MAP3K13: variants seen among roughly 807,000 people sequenced by gnomAD.
The protein encoded by MAP3K13 is leucine zipper-bearing kinase.
MAP3K13 carries 52 observed loss-of-function variants against 104.0 expected under a neutral mutation model. The ratio of observed to expected loss-of-function variants is 0.50; its 90% CI spans 0.40 to 0.63. The LOEUF is 0.63. Ranked by LOEUF, MAP3K13 falls within the 20% of genes least tolerant of loss-of-function variation. The probability of loss-of-function intolerance (pLI) is 0.00; values close to 1 mark genes in which losing one functional copy is unlikely to be tolerated. For missense variants in MAP3K13, 914 were observed against 1,218.5 expected, an observed-to-expected ratio of 0.75 and a Z score of 3.72; for synonymous variants, 394 against 442.2, an observed-to-expected ratio of 0.89 and a Z score of 1.37.
intron 1 of MAP3K13, among the ~76,000 whole-genome samples, chr3:185,374,287 T>C (rs894786483): frequency 6.6e-6 from 1 of 151,862 alleles, no homozygotes. Context: ...AGTGGTAAAG[T>C]GTTGGGGTGG....
chr3:185,311,851 T>C (rs1721505879), intron 2 of MAP3K13, among the ~76,000 whole-genome samples: 1 of 152,224 alleles, frequency 6.6e-6, no homozygotes, highest in Non-Finnish European at 1.5e-5. Context: ...GGAAACAGCC[T>C]ACACAGTCAT....
rs1005662117 is a variant in MAP3K13, at chr3:185,483,553, C to A, written c.*1097C>A. 3 of 225,282 alleles carry A rather than the reference C, an allele frequency of 1.3e-5. No homozygotes were observed. Among genetic ancestry groups the A allele is most frequent in the African/African-American group, 4.5e-5 (2 of 44,874 alleles). 14.0% of individuals were successfully genotyped at this position (225,282 alleles called of 1,614,324 possible). A position where few individuals can be genotyped will look rare whatever the true frequency, so the allele number is the denominator to read the frequency against. Reference sequence around the variant, plus strand: ...CAGCTACGAGGAGAAGATGGAACCACCCCTCTCTGGAGCCAGGTTGCTTGT... The same window carrying A: ...CAGCTACGAGGAGAAGATGGAACCAACCCTCTCTGGAGCCAGGTTGCTTGT... On this transcript the variant is annotated 3_prime_UTR_variant, in exon 14 of 14. Transcript: ENST00000265026.
chr3:185,411,861 T>A (rs1407229926), intron 1 of MAP3K13, among the ~76,000 whole-genome samples: 5 of 149,580 alleles, frequency 3.3e-5, no homozygotes, highest in Non-Finnish European at 7.4e-5. Flanking sequence ...CTCAGCTCAC[T>A]GCAGCTTCCA....
chr3:185,364,720 T>C (rs889696073), intron 1 of MAP3K13, among the ~76,000 whole-genome samples: 2 of 152,208 alleles, frequency 1.3e-5, no homozygotes, highest in African/African-American at 4.8e-5. Context: ...CTGAGTACAT[T>C]TGAACTTGCT....
chr3:185,333,488 C>A (rs564205582), intron 2 of MAP3K13, among the ~76,000 whole-genome samples: 3 of 152,158 alleles, frequency 2.0e-5, no homozygotes, highest in African/African-American at 7.2e-5. Flanking sequence ...AAACCTTATA[C>A]AATCTATAAA....
chr3:185,382,329 T>C (rs1002378208), intron 1 of MAP3K13, among the ~76,000 whole-genome samples: 3 of 152,224 alleles, frequency 2.0e-5, no homozygotes, highest in Non-Finnish European at 2.9e-5. Context: ...CTCATCAAAA[T>C]ATCTTACTCA....
At chr3:185,291,622 C>G (rs1162103165) in intron 2 of MAP3K13, 2 of 1,524,750 alleles carry the variant, frequency 1.3e-6, no homozygotes, top group Non-Finnish European at 1.7e-6. Flanking sequence ...GCATCAAGTA[C>G]CACGTTTTTG....
chr3:185,459,998 G>C (rs190795146), intron 7 of MAP3K13, among the ~76,000 whole-genome samples: 4 of 152,270 alleles, frequency 2.6e-5, no homozygotes, highest in East Asian at 3.9e-4. Flanking sequence ...CTTGTTTCAC[G>C]TGGTGTGTTT....
rs1553798321 is a variant in MAP3K13 at position 185,395,357 on chromosome 3, C to CTTTCTT, written c.-86+31992_-86+31993insCTTTTT. ...AGGCATTTCTAATTCAATATTATTT[C>CTTTCTT]TTTTTTTTTTTTTTTTTTTGAGACG... On this transcript the variant is annotated intron_variant, in intron 1 of 13. Coordinates refer to ENST00000265026, the MANE Select transcript of MAP3K13 (RefSeq NM_004721.5). Among the ~76,000 whole-genome samples the CTTTCTT allele has an allele frequency of 7.1e-5, 5 of 69,978 alleles. 1 individual carries two copies. The highest frequency in any genetic ancestry group is 1.1e-3 in the East Asian group (2 of 1,874). 45.9% of individuals were successfully genotyped at this position (69,978 alleles called of 152,430 possible).
intron 12 of MAP3K13, among the ~76,000 whole-genome samples, chr3:185,479,691 T>G (rs1057430995): frequency 6.6e-6 from 1 of 152,210 alleles, no homozygotes; most frequent in African/African-American, 2.4e-5. Flanking sequence ...TGGGCTGCCA[T>G]AACAAAATAC....
At chr3:185,353,637 A>C (rs1477228761) in intron 2 of MAP3K13, among the ~76,000 whole-genome samples, 4 of 152,218 alleles carry the variant, frequency 2.6e-5, no homozygotes, top group Non-Finnish European at 5.9e-5. Flanking sequence ...TGGTCATATA[A>C]GGCTCATTTT....
intron 1 of MAP3K13, among the ~76,000 whole-genome samples, chr3:185,370,281 G>A (rs553209146): frequency 2.6e-5 from 4 of 152,190 alleles, no homozygotes; most frequent in South Asian, 2.1e-4. Flanking sequence ...TGCAACCTCC[G>A]TCTCCTGGGT....
chr3:185,483,591 T>C lies in MAP3K13; in HGVS notation c.*1135T>C. ...CCAGGTTGCTTGTCTACTTGAGTCA[T>C]ATTGATTCAAGCAGGAGAACAGACT... On this transcript the variant is annotated 3_prime_UTR_variant, in exon 14 of 14. Transcript: ENST00000265026. 4.5e-6 allele frequency: 1 copy of C among 221,594 alleles called. No individual in the cohort carries two copies. The highest frequency in any genetic ancestry group is 9.0e-6 in the Non-Finnish European group (1 of 110,762). 13.7% of individuals were successfully genotyped at this position (221,594 alleles called of 1,614,324 possible).
At chr3:185,300,110 T>C (rs1173652134) in intron 2 of MAP3K13, among the ~76,000 whole-genome samples, 1 of 152,242 alleles carries the variant, frequency 6.6e-6, no homozygotes, top group African/African-American at 2.4e-5. Context: ...TTTTTCTTTT[T>C]GTGGCTGGTT....
chr3:185,442,049 A>T (rs1038252368), intron 3 of MAP3K13, among the ~76,000 whole-genome samples: 2 of 151,646 alleles, frequency 1.3e-5, no homozygotes, highest in African/African-American at 4.8e-5. Flanking sequence ...AAAAAAAAAA[A>T]AAAAAAATTA....
chr3:185,456,764 G>A (rs1716778276), intron 7 of MAP3K13, among the ~76,000 whole-genome samples: 1 of 151,962 alleles, frequency 6.6e-6, no homozygotes. Flanking sequence ...ACCACACTCG[G>A]TTAATTTTTG....
In MAP3K13 at chr3:185,304,315, C is replaced by T. The variant is rs1000289616; in HGVS notation, c.-86+18672C>T. Among the ~76,000 whole-genome samples, 6 of 152,198 alleles carry T rather than the reference C, an allele frequency of 3.9e-5. 1 individual carries two copies. Among genetic ancestry groups the T allele is most frequent in the South Asian group, 4.1e-4 (2 of 4,820 alleles). On this transcript the variant is annotated intron_variant, in intron 2 of 14. Transcript: ENST00000424227. ...CTGTTGTGGAGTAGAATATTCTGTACGTCTGTTAATACCAATTGGTCTGTA... is the reference window on the plus strand; with the variant it reads ...CTGTTGTGGAGTAGAATATTCTGTATGTCTGTTAATACCAATTGGTCTGTA...
At chr3:185,358,939 A>G (rs1224853253), upstream of MAP3K13, among the ~76,000 whole-genome samples, 3 of 152,218 alleles carry the variant, frequency 2.0e-5, no homozygotes, top group African/African-American at 4.8e-5. Flanking sequence ...AACCCCAAAG[A>G]TATTCCCCAA....
intron 1 of MAP3K13, among the ~76,000 whole-genome samples, chr3:185,405,845 G>A (rs534553821): frequency 6.6e-6 from 1 of 152,280 alleles, no homozygotes; most frequent in African/African-American, 2.4e-5. Context: ...CTATCTGACC[G>A]GGTCTATTCC....
Sources: gnomAD v4.1 joint callset for allele counts (sites outside exome capture counted in the v4.1 genomes callset) on GRCh38, gnomAD v4.1.1 for gene constraint, MANE v1.5 for transcripts, NCBI Gene and HGNC (gene_info 2026-07-23, HGNC 2026-07-21) for gene names.